Variants in SVIL observed in about 807,000 individuals in gnomAD.
SVIL encodes the protein archvillin.
In SVIL, 101 loss-of-function variants were observed where a neutral mutation model predicts 240.4. That is an observed-to-expected ratio of 0.42 (90% CI 0.36 to 0.50). The LOEUF (loss-of-function observed/expected upper bound fraction) is 0.50. Among genes scored for constraint, SVIL ranks in the 20% least tolerant of loss-of-function variants. The probability of loss-of-function intolerance (pLI) is 0.01; values close to 1 mark genes in which losing one functional copy is unlikely to be tolerated. For synonymous variants in SVIL, 999 were observed against 1,100.0 expected, an observed-to-expected ratio of 0.91 and a Z score of 1.82; for missense variants, 2,512 against 2,818.7, an observed-to-expected ratio of 0.89 and a Z score of 2.46.
At chr10:29,714,279 C>T (rs1435208067) in intron 1 of SVIL, among the ~76,000 whole-genome samples, 3 of 152,164 alleles carry the variant, frequency 2.0e-5, no homozygotes, top group Non-Finnish European at 4.4e-5. Flanking sequence ...TTCCGGAAGG[C>T]ACTTTGAAAT....
chr10:29,510,573 C>T (rs1789479178), intron 17 of SVIL, among the ~76,000 whole-genome samples: 1 of 151,884 alleles, frequency 6.6e-6, no homozygotes, highest in Non-Finnish European at 1.5e-5. Context: ...ATAACGCCGG[C>T]TCCTTTCTGC....
chr10:29,529,681 C>G (rs1294341094), intron 12 of SVIL, 24 bp downstream of exon 12: 1 of 1,578,328 alleles, frequency 6.3e-7, no homozygotes, highest in Non-Finnish European at 8.6e-7. Flanking sequence ...ATAGACAAGG[C>G]TGAGAAGTCC....
chr10:29,547,979 C>T (rs1382251118), intron 6 of SVIL, among the ~76,000 whole-genome samples: 2 of 152,208 alleles, frequency 1.3e-5, no homozygotes, highest in African/African-American at 4.8e-5. Context: ...GCAAATTCCT[C>T]AAACAAAAGA....
At chr10:29,665,344 T>A (rs914430464) in intron 2 of SVIL, among the ~76,000 whole-genome samples, 3 of 150,730 alleles carry the variant, frequency 2.0e-5, no homozygotes, top group Non-Finnish European at 3.0e-5. Flanking sequence ...GACTCCTGAA[T>A]CCCATACAGT....
intron 6 of SVIL, among the ~76,000 whole-genome samples, chr10:29,546,806 A>C (rs1952736220): frequency 6.6e-6 from 1 of 152,196 alleles, no homozygotes; most frequent in African/African-American, 2.4e-5. Context: ...ACAGAACAAA[A>C]TGATTAAATG....
At position 29,458,232 on chromosome 10, in the gene SVIL, C is replaced by A. The variant is rs1258185780; in HGVS notation, c.*15G>T. On this transcript the variant is annotated 3_prime_UTR_variant, in exon 38 of 38. Transcript: ENST00000355867. ...TGTTGGACGTGACCGTGAGGCTCCT[C>A]TGGCGTCTCCCCACTCAGAACAGGC... The A allele has an allele frequency of 6.2e-7, 1 of 1,613,408 alleles. No individual in the cohort carries two copies.
intron 2 of SVIL, among the ~76,000 whole-genome samples, chr10:29,658,736 A>G (rs1959076293): frequency 6.6e-6 from 1 of 152,228 alleles, no homozygotes; most frequent in Admixed American, 6.5e-5. Context: ...AGCCTGGGCA[A>G]CAAGGAAGAC....
At chr10:29,508,028 A>C (rs1949508307) in intron 17 of SVIL, 1 of 206,472 alleles carries the variant, frequency 4.8e-6, no homozygotes, top group South Asian at 7.9e-5. Flanking sequence ...TACCTGAGTC[A>C]GCTTTGTGCA....
rs184591739 is a variant in SVIL at position 29,607,277 on chromosome 10, C to T, written c.-201+27143G>A. Among the ~76,000 whole-genome samples, 641 of 152,298 alleles carry T rather than the reference C, an allele frequency of 4.2e-3. 5 individuals are homozygous for T. Among genetic ancestry groups the T allele is most frequent in the African/African-American group, 0.015 (610 of 41,558 alleles). Reference sequence around the variant, plus strand: ...TATGTTCTGCTGTCTTGTTTATTCACTTGCCAGTACCACATTATTTTAATT... The same window carrying T: ...TATGTTCTGCTGTCTTGTTTATTCATTTGCCAGTACCACATTATTTTAATT... On this transcript the variant is annotated intron_variant, in intron 1 of 37. Transcript: ENST00000355867.
intron 3 of SVIL, among the ~76,000 whole-genome samples, chr10:29,655,115 G>A (rs767135318): frequency 3.9e-5 from 6 of 152,212 alleles, no homozygotes; most frequent in Non-Finnish European, 7.3e-5. Flanking sequence ...GGGTTCTCCA[G>A]AGGGGCAGAA....
At chr10:29,458,917 CTGCCTCAGCCTCCTGA>C (rs1943887852) in intron 36 of SVIL, 1 of 172,906 alleles carries the variant, frequency 5.8e-6, no homozygotes, top group African/African-American at 2.4e-5. Flanking sequence ...AGTGATCCTC[CTGCCTCAGCCTCCTGA>C]GTAACTGGGA....
At chr10:29,702,061 G>A (rs1363970735) in intron 1 of SVIL, among the ~76,000 whole-genome samples, 1 of 150,808 alleles carries the variant, frequency 6.6e-6, no homozygotes, top group Non-Finnish European at 1.5e-5. Flanking sequence ...TGTAATCCCA[G>A]GTACTCGGGA....
rs147191421 is a variant in SVIL at position 29,614,977 on chromosome 10, C to T, written c.-201+19443G>A. ...TCATAACAACTCTATGTGATATGTA[C>T]TACTATCATTCCCATTTTACAGATG... On this transcript the variant is annotated intron_variant, in intron 1 of 37. Transcript: ENST00000355867. Among the ~76,000 whole-genome samples, 88 of 152,126 alleles carry T rather than the reference C, an allele frequency of 5.8e-4. 1 individual carries two copies. Among genetic ancestry groups the T allele is most frequent in the South Asian group, 2.7e-3 (13 of 4,794 alleles).
intron 17 of SVIL, among the ~76,000 whole-genome samples, chr10:29,502,671 A>G (rs74130781): frequency 8.7e-4 from 129 of 148,260 alleles, no homozygotes; most frequent in African/African-American, 2.9e-3. Context: ...GTGTATGCAC[A>G]TGTGTGTGTG....
At position 29,480,728 on chromosome 10, in the gene SVIL, C is replaced by G. The variant is rs1242244166; in HGVS notation, c.5186G>C (p.Gly1729Ala). ...PQTTAGTILDGVNVGRGYGLV... is the reference protein window; with the variant it reads ...PQTTAGTILDAVNVGRGYGLV... ...GCCATAGCCACGGCCGACGTTCACT[C>G]CGTCCAGGATGGTGCCTGCTGTCGT... Residue 1729 changes from glycine (G) to alanine (A), a missense_variant, in exon 29 of 38, where the codon GGA (glycine) becomes GCA (alanine). Physicochemically the swap from Gly to Ala is moderately conservative, Grantham distance 60. Transcript: ENST00000355867. 3 of 1,614,210 alleles carry G rather than the reference C, an allele frequency of 1.9e-6. No individual in the cohort carries two copies. In the South Asian group the frequency reaches 3.3e-5, roughly 18 times the overall value.
Position 29,484,298 on chromosome 10 carries a change from G to C in SVIL, c.4955+358C>G. ...CTTTTGCACTTTCAGATCAATGGCT[G>C]AATTCCAGACCCGGGGAAGCCTTTC... On this transcript the variant is annotated intron_variant, in intron 27 of 37. Transcript: ENST00000355867. This position sits in a 1 kb window ranked among gnomAD's most constrained non-coding sequence, Gnocchi z 4.7. Among the ~76,000 whole-genome samples the C allele has an allele frequency of 6.6e-6, 1 of 152,160 alleles. No homozygotes were observed.
At chr10:29,696,981 TCG>T (rs1962106263) in intron 1 of SVIL, among the ~76,000 whole-genome samples, 3 of 99,026 alleles carry the variant, frequency 3.0e-5, no homozygotes, top group South Asian at 3.5e-4. Context: ...GGTCAGCCCC[TCG>T]CCCAGCCAGC....
intron 2 of SVIL, among the ~76,000 whole-genome samples, chr10:29,669,000 T>G (rs1959553828): frequency 6.6e-6 from 1 of 152,190 alleles, no homozygotes; most frequent in African/African-American, 2.4e-5. Flanking sequence ...GATAAACCAA[T>G]GTCCCTGTCT....
Position 29,700,556 on chromosome 10 carries a change from C to T in SVIL, c.-399-13905G>A, listed in dbSNP as rs187483969. Among the ~76,000 whole-genome samples the T allele has an allele frequency of 1.2e-3, 174 of 146,344 alleles. 1 individual carries two copies. Among genetic ancestry groups the T allele is most frequent in the Middle Eastern group, 3.8e-3 (1 of 260 alleles). Reference sequence around the variant, plus strand: ...TGCGATCTCAGCTCACTGCAAGCTCCGCCTCCCGGGTTCACACCATTCTCC... The same window carrying T: ...TGCGATCTCAGCTCACTGCAAGCTCTGCCTCCCGGGTTCACACCATTCTCC... On this transcript the variant is annotated intron_variant, in intron 1 of 35. Transcript: ENST00000375400.
Sources: allele counts gnomAD v4.1 joint callset (sites outside exome capture counted in the v4.1 genomes callset), GRCh38; gene constraint gnomAD v4.1.1; non-coding constraint Gnocchi (gnomAD v3.1); transcripts MANE v1.5; gene names NCBI Gene and HGNC (gene_info 2026-07-23, HGNC 2026-07-21).